The following AATF variants were observed in gnomAD, a reference collection of about 807,000 sequenced individuals.
The protein encoded by AATF is protein AATF.
A neutral mutation model predicts 63.7 loss-of-function variants in AATF; 48 were observed. That is an observed-to-expected ratio of 0.75 (90% CI 0.60 to 0.96). AATF has a LOEUF of 0.96. Among genes scored for constraint, AATF ranks in the 40% least tolerant of loss-of-function variants. AATF has a pLI of 0.00. For missense variants in AATF, 639 were observed against 685.7 expected, an observed-to-expected ratio of 0.93 and a Z score of 0.76; for synonymous variants, 258 against 247.7, an observed-to-expected ratio of 1.04 and a Z score of -0.39.
At chr17:36,982,520 A>T (rs984789766) in intron 4 of AATF, among the ~76,000 whole-genome samples, 1 of 151,562 alleles carries the variant, frequency 6.6e-6, no homozygotes, top group African/African-American at 2.4e-5. Flanking sequence ...CGCCCAGCTA[A>T]TTTTTTGTAT....
chr17:36,950,943 C>G (rs917373499), intron 2 of AATF, among the ~76,000 whole-genome samples: 2 of 152,128 alleles, frequency 1.3e-5, no homozygotes, highest in Non-Finnish European at 2.9e-5. Flanking sequence ...AACATGTTAT[C>G]CTTGAATTGT....
intron 2 of AATF, among the ~76,000 whole-genome samples, chr17:36,951,208 C>T (rs959040976): frequency 6.6e-6 from 1 of 152,114 alleles, no homozygotes; most frequent in East Asian, 1.9e-4. Context: ...TGTTGAGAAT[C>T]CACAGATAAT....
chr17:37,001,072 A>G (rs2071290696), intron 8 of AATF, among the ~76,000 whole-genome samples: 1 of 152,026 alleles, frequency 6.6e-6, no homozygotes, highest in South Asian at 2.1e-4. Context: ...TTATCCCAAT[A>G]CTTTGGGAGG....
intron 4 of AATF, among the ~76,000 whole-genome samples, chr17:36,981,678 T>TTTC (rs756781425): frequency 2.7e-5 from 4 of 150,428 alleles, no homozygotes; most frequent in Admixed American, 6.6e-5. Flanking sequence ...TTCTTTCTTC[T>TTTC]TTCTTCTTCT....
rs543944033 is a variant in AATF at position 36,959,235 on chromosome 17, G to A, written c.832+5328G>A. The stretch of plus-strand genomic sequence containing the variant: ...AAGGTGGGCAGATCACCTGAGGTCC[G>A]GAGTTCAAGACCAGCCTGGCCAACA... On this transcript the variant is annotated intron_variant, in intron 4 of 11. Coordinates refer to ENST00000619387, the MANE Select transcript of AATF (RefSeq NM_012138.4). Among the ~76,000 whole-genome samples the A allele has an allele frequency of 7.2e-5, 11 of 152,304 alleles. No homozygotes were observed. The South Asian group carries it at 1.7e-3, about 23-fold the overall frequency.
intron 10 of AATF, among the ~76,000 whole-genome samples, chr17:37,025,590 G>A (rs1216329088): frequency 6.6e-6 from 1 of 152,160 alleles, no homozygotes; most frequent in African/African-American, 2.4e-5. Flanking sequence ...AATCACAAAA[G>A]GGCAGCATCG....
chr17:37,007,836 G>C (rs2071354046), intron 8 of AATF, among the ~76,000 whole-genome samples: 1 of 152,164 alleles, frequency 6.6e-6, no homozygotes, highest in South Asian at 2.1e-4. Context: ...TGTAATCAGG[G>C]TATTGTGGGG....
At chr17:37,008,821 G>T (rs1335386652) in intron 8 of AATF, among the ~76,000 whole-genome samples, 1 of 152,216 alleles carries the variant, frequency 6.6e-6, no homozygotes, top group Non-Finnish European at 1.5e-5. Flanking sequence ...GCACTCCAGT[G>T]TGAGCGACAA....
intron 1 of AATF, 93 bp downstream of exon 1, chr17:36,949,309 C>T (rs1297290224): frequency 2.5e-6 from 3 of 1,216,504 alleles, no homozygotes; most frequent in Admixed American, 2.7e-5. Context: ...GCGAGGCCGC[C>T]GGGCCTGCGC....
chr17:37,003,470 AC>A (rs1283676329), intron 8 of AATF, among the ~76,000 whole-genome samples: 3 of 134,182 alleles, frequency 2.2e-5, no homozygotes, highest in African/African-American at 1.0e-4. Context: ...CTTGACAAGA[AC>A]TTTTTTTTTT....
Position 37,051,693 on chromosome 17 carries a change from G to GACACACAC in AATF, c.1620-4905_1620-4904insCACACACA, listed in dbSNP as rs1181449819. 9.2e-3 allele frequency among the ~76,000 whole-genome samples: 1,291 copies of GACACACAC among 140,908 alleles called. 5 individuals carry two copies. Among genetic ancestry groups the GACACACAC allele is most frequent in the East Asian group, 0.018 (86 of 4,798 alleles). 92.4% of individuals were successfully genotyped at this position (140,908 alleles called of 152,430 possible). On this transcript the variant is annotated intron_variant, in intron 11 of 11. Transcript: ENST00000619387. The stretch of plus-strand genomic sequence containing the variant: ...GAATCCTAAGACAGACAGACAGACA[G>GACACACAC]ACAGACACACACACACACACACACA...
chr17:36,980,474 AT>A (rs1352169416), intron 4 of AATF: 2 of 152,264 alleles, frequency 1.3e-5, no homozygotes, highest in Non-Finnish European at 2.9e-5. Context: ...AAGAAAGTAT[AT>A]GAATCTTTGC....
chr17:36,966,533 G>A (rs1053015170), intron 4 of AATF, among the ~76,000 whole-genome samples: 2 of 152,166 alleles, frequency 1.3e-5, no homozygotes, highest in Non-Finnish European at 2.9e-5. Context: ...CTCCCAAAAT[G>A]CTGGGATTAC....
chr17:36,982,020 A>AC (rs1276815479), intron 4 of AATF, among the ~76,000 whole-genome samples: 1 of 150,322 alleles, frequency 6.7e-6, no homozygotes, highest in African/African-American at 2.4e-5. Context: ...TCTTTCTCCA[A>AC]CCCCTGGTAG....
At position 36,952,958 on chromosome 17, in the gene AATF, A is replaced by T. The variant is rs1158096616; in HGVS notation, c.356A>T (p.Glu119Val). 1 of 1,614,068 alleles carries T rather than the reference A, an allele frequency of 6.2e-7. No homozygotes were observed. The highest frequency in any genetic ancestry group is 1.3e-5 in the African/African-American group (1 of 74,918). The change falls in exon 3 of 12, where the codon GAG becomes GTG. Residue 119 changes from glutamate to valine, a missense_variant. Coordinates refer to ENST00000619387, the MANE Select transcript of AATF (RefSeq NM_012138.4). Reference protein sequence around the residue: ...SEGLGLEEYDEDDLGAAEEQE... With the variant: ...SEGLGLEEYDVDDLGAAEEQE... Reference sequence around the variant, plus strand: ...GGACTGGGTCTGGAGGAATATGATGAGGACGACCTGGGTGCTGCTGAGGAA... The same window carrying T: ...GGACTGGGTCTGGAGGAATATGATGTGGACGACCTGGGTGCTGCTGAGGAA...
intron 2 of AATF, 36 bp downstream of exon 2, chr17:36,950,441 C>T (rs1249955907): frequency 6.3e-7 from 1 of 1,587,428 alleles, no homozygotes; most frequent in Non-Finnish European, 8.6e-7. Flanking sequence ...TCTTCTCTTC[C>T]CTAATTTTTT....
Position 37,056,659 on chromosome 17 carries a change from G to T in AATF, c.1678G>T (p.Asp560Tyr). The change falls in exon 12 of 12, where the codon GAT (aspartate) becomes TAT (tyrosine). Residue 560 changes from aspartate (D) to tyrosine (Y), a missense_variant. Coordinates refer to ENST00000619387, the MANE Select transcript of AATF (RefSeq NM_012138.4). Reference protein sequence around the residue: ...QLHPPDEGHGD With the variant: ...QLHPPDEGHGY ...CCACCCTCCCGACGAAGGCCACGGG[G>T]ATTGACATCGCCCACCTCCGACACC... 1 of 1,614,206 alleles carries T rather than the reference G, an allele frequency of 6.2e-7. No homozygotes were observed. Among genetic ancestry groups the T allele is most frequent in the East Asian group, 2.2e-5 (1 of 44,882 alleles).
intron 8 of AATF, among the ~76,000 whole-genome samples, chr17:36,995,568 G>T (rs1244890280): frequency 6.6e-6 from 1 of 151,898 alleles, no homozygotes; most frequent in Non-Finnish European, 1.5e-5. Flanking sequence ...GATTTATTTT[G>T]TTTGTTTGTT....
At chr17:37,044,258 A>T (rs190856630) in intron 11 of AATF, among the ~76,000 whole-genome samples, 1 of 152,236 alleles carries the variant, frequency 6.6e-6, no homozygotes, top group Admixed American at 6.5e-5. Flanking sequence ...AGCATCTACC[A>T]CCAGGTTGTT....
Sources: gnomAD v4.1 joint callset for allele counts (sites outside exome capture counted in the v4.1 genomes callset) on GRCh38, gnomAD v4.1.1 for gene constraint, MANE v1.5 for transcripts, NCBI Gene and HGNC (gene_info 2026-07-23, HGNC 2026-07-21) for gene names.